NFIA: variants seen among roughly 807,000 people sequenced by gnomAD.
NFIA encodes nuclear factor I A.
In NFIA, 8 loss-of-function variants were observed where a neutral mutation model predicts 62.8. That is an observed-to-expected ratio of 0.13 (90% CI 0.07 to 0.23). The LOEUF (loss-of-function observed/expected upper bound fraction) is 0.23, where lower values mean the gene tolerates loss of function less well. NFIA is among the 10% of genes least tolerant of loss of function. The probability of loss-of-function intolerance (pLI) is 1.00; values close to 1 mark genes in which losing one functional copy is unlikely to be tolerated. For synonymous variants in NFIA, 235 were observed against 238.1 expected (o/e 0.99, Z 0.12); for missense variants, 410 against 642.1 (o/e 0.64, Z 3.91).
chr1:61,240,808 G>C (rs192076718), intron 2 of NFIA, among the ~76,000 whole-genome samples: 1 of 151,986 alleles, frequency 6.6e-6, no homozygotes, highest in Non-Finnish European at 1.5e-5. Flanking sequence ...TGTAGACATC[G>C]AGAAATATTT....
chr1:61,439,498 C>A (rs1181280487), intron 10 of NFIA: 2 of 152,154 alleles, frequency 1.3e-5, no homozygotes, highest in African/African-American at 4.8e-5. Context: ...GATCTCACTC[C>A]GATGGTGTGG....
rs1259436230 is a variant in NFIA at position 61,354,134 on chromosome 1, T to A, written c.818+1567T>A. ...GCTATGTTTTATTATCTTTTGTGAC[T>A]CTCTGAGAGGAAAGCTCATTATGAA... On this transcript the variant is annotated intron_variant, in intron 5 of 10. Transcript: ENST00000403491. Among the ~76,000 whole-genome samples the A allele has an allele frequency of 3.3e-5, 5 of 152,282 alleles. No homozygotes were observed. The East Asian group carries it at 7.7e-4, about 23-fold the overall frequency.
intron 2 of NFIA, among the ~76,000 whole-genome samples, chr1:61,094,362 C>CT (rs1225735270): frequency 6.6e-6 from 1 of 152,184 alleles, no homozygotes; most frequent in Non-Finnish European, 1.5e-5. Context: ...TCAGTAATGA[C>CT]TGTAAAGCAG....
intron 2 of NFIA, among the ~76,000 whole-genome samples, chr1:61,096,975 TATTA>T (rs1646427350): frequency 6.6e-6 from 1 of 152,200 alleles, no homozygotes. Context: ...TCATTATACA[TATTA>T]ATTCTTCTAA....
chr1:61,254,944 C>T (rs971508102), intron 2 of NFIA, among the ~76,000 whole-genome samples: 2 of 152,158 alleles, frequency 1.3e-5, no homozygotes, highest in African/African-American at 4.8e-5. Context: ...GGCATGAGAA[C>T]CCCCGAGCAG....
chr1:61,238,116 A>G (rs533583764), intron 2 of NFIA, among the ~76,000 whole-genome samples: 1 of 152,182 alleles, frequency 6.6e-6, no homozygotes, highest in African/African-American at 2.4e-5. Flanking sequence ...TGTGATTAAG[A>G]CCCCAAGGAG....
chr1:61,394,463 A>G (rs1206914243), intron 7 of NFIA, among the ~76,000 whole-genome samples: 3 of 152,146 alleles, frequency 2.0e-5, no homozygotes, highest in Admixed American at 2.0e-4. Flanking sequence ...GTGAGCCACC[A>G]TGCCTGACCA....
intron 2 of NFIA, among the ~76,000 whole-genome samples, chr1:61,162,459 T>TGA (rs1180412216): frequency 6.6e-6 from 1 of 152,212 alleles, no homozygotes. Flanking sequence ...AAAAGCCACA[T>TGA]GCTTACCTGG....
At chr1:61,094,528 G>A (rs1451286062) in intron 2 of NFIA, among the ~76,000 whole-genome samples, 1 of 152,148 alleles carries the variant, frequency 6.6e-6, no homozygotes, top group Non-Finnish European at 1.5e-5. Context: ...TTAGAATTTA[G>A]GAGTCCAGTT....
At chr1:61,225,603 G>A (rs968825330) in intron 2 of NFIA, among the ~76,000 whole-genome samples, 2 of 147,824 alleles carry the variant, frequency 1.4e-5, no homozygotes, top group African/African-American at 5.1e-5. Flanking sequence ...AACTATAGCA[G>A]GAAATTTTAT....
chr1:61,197,220 TTAC>T (rs1335506271), intron 2 of NFIA, among the ~76,000 whole-genome samples: 1 of 151,528 alleles, frequency 6.6e-6, no homozygotes, highest in African/African-American at 2.4e-5. Flanking sequence ...GCATGCTTAT[TTAC>T]TACTCTGGTT....
intron 10 of NFIA, among the ~76,000 whole-genome samples, chr1:61,443,261 C>G (rs1471183431): frequency 1.3e-5 from 2 of 152,036 alleles, no homozygotes; most frequent in African/African-American, 4.8e-5. Context: ...CCCAACAACT[C>G]CAAAGATAAA....
intron 3 of NFIA, among the ~76,000 whole-genome samples, chr1:61,321,112 C>T (rs1025484004): frequency 7.9e-5 from 12 of 151,738 alleles, no homozygotes; most frequent in African/African-American, 2.7e-4. Flanking sequence ...GCATTAAAAC[C>T]ATAAAATTAA....
intron 2 of NFIA, among the ~76,000 whole-genome samples, chr1:61,248,121 G>A (rs1655769684): frequency 6.6e-6 from 1 of 152,066 alleles, no homozygotes; most frequent in Admixed American, 6.6e-5. Context: ...ACTGAACTAG[G>A]TGCAGGGAAA....
chr1:61,199,626 A>G lies in NFIA; in HGVS notation c.560-77894A>G, dbSNP rs1251845121. On this transcript the variant is annotated intron_variant, in intron 2 of 10. Coordinates refer to ENST00000403491, the MANE Select transcript of NFIA (RefSeq NM_001134673.4). ...GTTTTTTCTGGTTCCTTCTAATCGT[A>G]GCTTCATAGATATGTGGTGTGCTTC... Among the ~76,000 whole-genome samples, 6 of 152,028 alleles carry G rather than the reference A, an allele frequency of 3.9e-5. No homozygotes were observed. The East Asian group carries it at 1.2e-3, about 29-fold the overall frequency.
At chr1:61,330,085 T>C (rs566709126) in intron 3 of NFIA, among the ~76,000 whole-genome samples, 7 of 152,278 alleles carry the variant, frequency 4.6e-5, no homozygotes, top group South Asian at 2.1e-4. Context: ...AATATGGAAT[T>C]CAAAAGAGTA....
chr1:61,414,922 C>T (rs1005740760), intron 9 of NFIA, among the ~76,000 whole-genome samples: 7 of 152,076 alleles, frequency 4.6e-5, no homozygotes, highest in Non-Finnish European at 7.4e-5. Flanking sequence ...AGACAAGATA[C>T]GGAACAATCC....
chr1:61,114,970 GTTTGTTTTGT>G (rs1249975885), intron 2 of NFIA, among the ~76,000 whole-genome samples: 2 of 152,010 alleles, frequency 1.3e-5, no homozygotes, highest in African/African-American at 4.8e-5. Flanking sequence ...ATTTGTTGTT[GTTTGTTTTGT>G]TTTGTTTTTG....
intron 2 of NFIA, among the ~76,000 whole-genome samples, chr1:61,107,006 C>T (rs1646614984): frequency 6.6e-6 from 1 of 151,122 alleles, no homozygotes; most frequent in South Asian, 2.1e-4. Flanking sequence ...TGCTTTTTTT[C>T]ACTCTACAAT....
Sources: allele counts gnomAD v4.1 joint callset (sites outside exome capture counted in the v4.1 genomes callset), GRCh38; gene constraint gnomAD v4.1.1; transcripts MANE v1.5; gene names NCBI Gene and HGNC (gene_info 2026-07-23, HGNC 2026-07-21).